GPR158: variants seen among roughly 807,000 people sequenced by gnomAD.
The protein encoded by GPR158 is metabotropic glycine receptor.
Under a neutral mutation model 78.2 loss-of-function variants are expected in GPR158, and 30 were observed. The observed-to-expected ratio is 0.38, with a 90% CI of 0.29 to 0.52. The LOEUF is 0.52. Among genes scored for constraint, GPR158 ranks in the 20% least tolerant of loss-of-function variants. The pLI is 0.83. For missense variants in GPR158, 1,463 were observed against 1,523.5 expected (o/e 0.96, Z 0.66); for synonymous variants, 581 against 591.1 (o/e 0.98, Z 0.25).
At chr10:25,505,702 T>C (rs1836004090) in intron 5 of GPR158, among the ~76,000 whole-genome samples, 1 of 152,320 alleles carries the variant, frequency 6.6e-6, no homozygotes, top group African/African-American at 2.4e-5. Flanking sequence ...TAGCACCCTC[T>C]ACTCCAGGAA....
chr10:25,297,335 T>C (rs1854529825), intron 2 of GPR158, among the ~76,000 whole-genome samples: 1 of 152,222 alleles, frequency 6.6e-6, no homozygotes, highest in Non-Finnish European at 1.5e-5. Flanking sequence ...ACATCAGTCA[T>C]ACAAGGTTTG....
chr10:25,440,165 T>C (rs1333190872), intron 4 of GPR158, among the ~76,000 whole-genome samples: 1 of 152,226 alleles, frequency 6.6e-6, no homozygotes, highest in African/African-American at 2.4e-5. Context: ...ATCTGAACTC[T>C]TCCTCCAGAT....
intron 1 of GPR158, among the ~76,000 whole-genome samples, chr10:25,202,216 T>A (rs1852939454): frequency 6.6e-6 from 1 of 152,178 alleles, no homozygotes; most frequent in African/African-American, 2.4e-5. Context: ...AGTTTCTTCC[T>A]GGTTAAATAC....
At chr10:25,430,495 G>C (rs1170967149) in intron 4 of GPR158, among the ~76,000 whole-genome samples, 4 of 147,894 alleles carry the variant, frequency 2.7e-5, no homozygotes, top group African/African-American at 1.0e-4. Context: ...TTTCTTGAGA[G>C]AATTGGAAAA....
intron 2 of GPR158, among the ~76,000 whole-genome samples, chr10:25,284,587 T>A (rs1057154262): frequency 6.6e-6 from 1 of 151,914 alleles, no homozygotes; most frequent in African/African-American, 2.4e-5. Context: ...CAATCTGTCT[T>A]TTAATTCATA....
chr10:25,315,215 G>A (rs1357630452), intron 2 of GPR158, among the ~76,000 whole-genome samples: 1 of 151,974 alleles, frequency 6.6e-6, no homozygotes, highest in Non-Finnish European at 1.5e-5. Context: ...AAAGTGATGT[G>A]TTAAAATATA....
In GPR158 at chr10:25,317,566, G is replaced by A. The variant is rs74525340; in HGVS notation, c.1009-78345G>A. ...TTTTCTTCTTAGTTTTGGGATTTCC[G>A]TTGCAATATTTGTTTTAATATTCCC... On this transcript the variant is annotated intron_variant, in intron 2 of 10. Transcript: ENST00000376351. 6.4e-3 allele frequency among the ~76,000 whole-genome samples: 964 copies of A among 151,434 alleles called. 11 individuals carry two copies. Among genetic ancestry groups the A allele is most frequent in the African/African-American group, 0.022 (917 of 41,232 alleles).
chr10:25,527,881 TAAAAGGATA>T (rs1836371298), intron 5 of GPR158, among the ~76,000 whole-genome samples: 1 of 152,022 alleles, frequency 6.6e-6, no homozygotes, highest in African/African-American at 2.4e-5. Context: ...CTGCAGAGAT[TAAAAGGATA>T]ATAAGCTGGT....
Position 25,238,893 on chromosome 10 carries a change from G to T in GPR158, c.1008+17736G>T, listed in dbSNP as rs144949432. On this transcript the variant is annotated intron_variant, in intron 2 of 10. Transcript: ENST00000376351. Reference sequence around the variant, plus strand: ...TAGCTTCACACTTTATACAGGTATAGCCATGAATACTGAGGACATGTGATC... The same window carrying T: ...TAGCTTCACACTTTATACAGGTATATCCATGAATACTGAGGACATGTGATC... 2.7e-3 allele frequency among the ~76,000 whole-genome samples: 414 copies of T among 152,326 alleles called. 2 individuals carry two copies. The highest frequency in any genetic ancestry group is 9.7e-3 in the African/African-American group (403 of 41,564).
intron 2 of GPR158, among the ~76,000 whole-genome samples, chr10:25,334,129 A>G (rs925833837): frequency 5.9e-5 from 9 of 152,086 alleles, no homozygotes; most frequent in Admixed American, 5.9e-4. Context: ...TTTATGTATA[A>G]AAAGTTAAAA....
At chr10:25,460,733 C>A (rs1835348700) in intron 4 of GPR158, among the ~76,000 whole-genome samples, 1 of 152,038 alleles carries the variant, frequency 6.6e-6, no homozygotes, top group South Asian at 2.1e-4. Flanking sequence ...CACAGACATA[C>A]CTTGTTTTAT....
chr10:25,246,791 T>G (rs1458412572), intron 2 of GPR158, among the ~76,000 whole-genome samples: 1 of 152,176 alleles, frequency 6.6e-6, no homozygotes, highest in Admixed American at 6.5e-5. Flanking sequence ...TGCAGCTGAT[T>G]GATAAGAAGG....
chr10:25,241,193 T>TCTTTCTTCCTTTCTTTC (rs1853609275), intron 2 of GPR158, among the ~76,000 whole-genome samples: 1 of 101,660 alleles, frequency 9.8e-6, no homozygotes, highest in African/African-American at 5.6e-5. Flanking sequence ...TTCTTTCCTT[T>TCTTTCTTCCTTTCTTTC]CTTTCTTTCC....
At chr10:25,371,152 C>A (rs936715386) in intron 2 of GPR158, among the ~76,000 whole-genome samples, 26 of 147,738 alleles carry the variant, frequency 1.8e-4, no homozygotes, top group African/African-American at 2.8e-4. Context: ...TTAATTGGAG[C>A]ACTTAGTCCA....
rs769357324 is a variant in GPR158, at chr10:25,598,065, A to C, written c.2439A>C (p.Ser813=). 38 of 1,613,930 alleles carry C rather than the reference A, an allele frequency of 2.4e-5. No individual in the cohort carries two copies. In the South Asian group the frequency reaches 3.3e-4, roughly 14 times the overall value. ...AGACCCTGAAAAACCGAGTCTTCTC[A>C]CTCAAGAAATCCCACAGCACTTATG... ...KEETLKNRVF[S]LKKSHSTYDH... Residue 813 remains serine, a synonymous_variant, in exon 11 of 11, where the codon TCA becomes TCC. Coordinates refer to ENST00000376351, the MANE Select transcript of GPR158 (RefSeq NM_020752.3).
At chr10:25,314,380 T>A (rs1252691663) in intron 2 of GPR158, among the ~76,000 whole-genome samples, 1 of 152,202 alleles carries the variant, frequency 6.6e-6, no homozygotes. Context: ...ATTACAGGCA[T>A]GAGCCACCAC....
At chr10:25,519,224 T>C (rs1211824419) in intron 5 of GPR158, among the ~76,000 whole-genome samples, 1 of 124,376 alleles carries the variant, frequency 8.0e-6, no homozygotes, top group Admixed American at 8.3e-5. Flanking sequence ...TCCATTTGCT[T>C]GGTAGATCTT....
chr10:25,273,037 C>A (rs138095913), intron 2 of GPR158, among the ~76,000 whole-genome samples: 1 of 152,164 alleles, frequency 6.6e-6, no homozygotes, highest in Non-Finnish European at 1.5e-5. Flanking sequence ...TAGTTCGTGG[C>A]ACCTGGGACT....
intron 2 of GPR158, among the ~76,000 whole-genome samples, chr10:25,380,810 A>G (rs1006295947): frequency 7.9e-5 from 12 of 152,208 alleles, no homozygotes; most frequent in Non-Finnish European, 1.5e-4. Context: ...TACTAATTCT[A>G]TTGAGTGATT....
Sources: gnomAD v4.1 joint callset for allele counts (sites outside exome capture counted in the v4.1 genomes callset) on GRCh38, gnomAD v4.1.1 for gene constraint, MANE v1.5 for transcripts, NCBI Gene and HGNC (gene_info 2026-07-23, HGNC 2026-07-21) for gene names.